Variants in PDE4C observed in about 807,000 individuals in gnomAD.
PDE4C encodes phosphodiesterase 4C.
PDE4C carries 50 observed loss-of-function variants against 63.9 expected under a neutral mutation model. The observed-to-expected ratio is 0.78, with a 90% CI of 0.62 to 0.99. PDE4C has a LOEUF of 0.99. PDE4C is among the 50% of genes least tolerant of loss of function. PDE4C has a pLI of 0.00. For synonymous variants in PDE4C, 377 were observed against 385.1 expected, an observed-to-expected ratio of 0.98 and a Z score of 0.25; for missense variants, 777 against 899.1, an observed-to-expected ratio of 0.86 and a Z score of 1.74.
chr19:18,221,841 G>A (rs548528627), intron 2 of PDE4C, among the ~76,000 whole-genome samples: 10 of 152,258 alleles, frequency 6.6e-5, no homozygotes, highest in African/African-American at 2.4e-4. Context: ...GGCCAGGCTG[G>A]TCCTGAACAC....
At chr19:18,234,591 G>A (rs1006856063), upstream of PDE4C, among the ~76,000 whole-genome samples, 4 of 152,136 alleles carry the variant, frequency 2.6e-5, no homozygotes, top group Admixed American at 2.0e-4. Flanking sequence ...TGACTTGGTG[G>A]AGGCCTCCTG....
At chr19:18,238,640 G>T (rs1421376573), upstream of PDE4C, among the ~76,000 whole-genome samples, 7 of 151,954 alleles carry the variant, frequency 4.6e-5, no homozygotes, top group Middle Eastern at 3.2e-3. Context: ...ATGCACCATA[G>T]TGATATTCTA....
At chr19:18,225,089 T>C (rs905611195) in intron 1 of PDE4C, among the ~76,000 whole-genome samples, 6 of 152,048 alleles carry the variant, frequency 3.9e-5, no homozygotes, top group African/African-American at 1.4e-4. Context: ...GGGGAGGCTG[T>C]TTTTCTTTCT....
exon 1 of PDE4C, chr19:18,233,621 G>A: frequency 2.3e-6 from 1 of 437,886 alleles, no homozygotes; most frequent in South Asian, 1.6e-5. Context: ...GAGACCCCCG[G>A]GGCCGAGACG....
chr19:18,252,144 G>A (rs1449084125), upstream of PDE4C: 1 of 399,226 alleles, frequency 2.5e-6, no homozygotes, highest in East Asian at 3.6e-5. Flanking sequence ...GCTCCAGTGC[G>A]GGGTCAGGGA....
intron 7 of PDE4C, 68 bp from the exon 8 acceptor site, chr19:18,219,465 G>A: frequency 1.3e-6 from 2 of 1,497,196 alleles, no homozygotes; most frequent in Non-Finnish European, 1.8e-6. Context: ...CTCAGGACCT[G>A]AATTTTGCCA....
upstream of PDE4C, chr19:18,226,534 C>T (rs939945965): frequency 4.3e-6 from 3 of 705,220 alleles, no homozygotes; most frequent in African/African-American, 1.9e-5. Flanking sequence ...GCCTCGAGGC[C>T]GGCGGCTCCC....
chr19:18,218,755 G>A (rs992287637), intron 9 of PDE4C, among the ~76,000 whole-genome samples, 185 bp downstream of exon 9: 1 of 152,170 alleles, frequency 6.6e-6, no homozygotes, highest in Admixed American at 6.5e-5. Context: ...CCAGGGCTGA[G>A]GCTTCTGGAC....
chr19:18,245,606 G>A (rs1255666451), intron 1 of PDE4C, among the ~76,000 whole-genome samples: 1 of 152,242 alleles, frequency 6.6e-6, no homozygotes, highest in African/African-American at 2.4e-5. Context: ...CCCGGAGAAG[G>A]CCCTCCTGCC....
chr19:18,213,650 G>C (rs550397756), intron 12 of PDE4C, among the ~76,000 whole-genome samples, 160 bp from the exon 13 acceptor site: 1 of 152,336 alleles, frequency 6.6e-6, no homozygotes, highest in East Asian at 1.9e-4. Context: ...TGCAAACTCT[G>C]CTCAAAAGAG....
chr19:18,218,598 C>T (rs1412229497), intron 9 of PDE4C, 100 bp from the exon 10 acceptor site: 3 of 1,340,278 alleles, frequency 2.2e-6, no homozygotes, highest in Non-Finnish European at 2.1e-6. Flanking sequence ...GCCTCAAGCA[C>T]CTGCTCCTCT....
At chr19:18,251,918 T>C (rs537704482), upstream of PDE4C, 41 of 396,372 alleles carry the variant, frequency 1.0e-4, no homozygotes, top group African/African-American at 6.2e-4. Flanking sequence ...GCGCATAGCA[T>C]GAAGAGCTTT....
chr19:18,219,387 G>A (rs1455152053), exon 8 of PDE4C: 26 of 1,602,220 alleles, frequency 1.6e-5, no homozygotes, highest in South Asian at 4.5e-5. Context: ...GCTCCACCTC[G>A]GTCTGCTGGT....
At chr19:18,226,908 A>G (rs1317091752), upstream of PDE4C, among the ~76,000 whole-genome samples, 5 of 151,872 alleles carry the variant, frequency 3.3e-5, no homozygotes, top group South Asian at 4.2e-4. Context: ...GCCAGGCCCA[A>G]CTGTACTTCT....
rs745622416 is a variant in PDE4C, at chr19:18,211,296, A to G, written c.1696-20T>C. The G allele has an allele frequency of 7.1e-6, 11 of 1,543,952 alleles. No individual in the cohort carries two copies. The highest frequency in any genetic ancestry group is 8.8e-7 in the Non-Finnish European group (1 of 1,140,946). Reference sequence around the variant, plus strand: ...ACCCACCTGTGGCGGGGGGTGGGGCATGTCGGCATTTGGTGAGTTACAGTG... The same window carrying G: ...ACCCACCTGTGGCGGGGGGTGGGGCGTGTCGGCATTTGGTGAGTTACAGTG... On this transcript the variant is annotated intron_variant, in intron 14 of 14. Transcript: ENST00000262805.
At chr19:18,218,290 T>TG in intron 10 of PDE4C, 42 bp from the exon 11 acceptor site, 2 of 1,613,162 alleles carry the variant, frequency 1.2e-6, no homozygotes, top group Non-Finnish European at 1.7e-6. Flanking sequence ...GCGGGTTCTC[T>TG]GGGCCCTGCA....
upstream of PDE4C, among the ~76,000 whole-genome samples, chr19:18,249,157 T>C (rs566248579): frequency 5.9e-5 from 9 of 151,688 alleles, no homozygotes; most frequent in Non-Finnish European, 1.2e-4. Context: ...GAGAGAGAGA[T>C]GGGGTTTTGC....
intron 1 of PDE4C, among the ~76,000 whole-genome samples, chr19:18,243,234 C>T (rs780358870): frequency 8.6e-5 from 13 of 152,034 alleles, no homozygotes; most frequent in Non-Finnish European, 1.9e-4. Flanking sequence ...CTCAGCCTCC[C>T]GAGTAGCTGG....
chr19:18,224,484 T>C (rs1389661103), intron 1 of PDE4C: 1 of 985,396 alleles, frequency 1.0e-6, no homozygotes, highest in African/African-American at 1.7e-5. Context: ...TTGGGTCTGA[T>C]CACGTCGAAT....
Sources: gnomAD v4.1 joint callset for allele counts (sites outside exome capture counted in the v4.1 genomes callset) on GRCh38, gnomAD v4.1.1 for gene constraint, MANE v1.5 for transcripts, NCBI Gene and HGNC (gene_info 2026-07-23, HGNC 2026-07-21) for gene names.